The following LCMT1 variants were observed in gnomAD, a reference collection of about 807,000 sequenced individuals.
LCMT1 encodes the protein [Phosphatase 2A protein]-leucine-carboxy methyltransferase 1.
A neutral mutation model predicts 47.7 loss-of-function variants in LCMT1; 32 were observed. The observed-to-expected ratio is 0.67, with a 90% CI of 0.51 to 0.90. The LOEUF (loss-of-function observed/expected upper bound fraction) is 0.90, where lower values mean the gene tolerates loss of function less well. LCMT1 is among the 40% of genes least tolerant of loss of function. The pLI is 0.00. For synonymous variants in LCMT1, 152 were observed against 149.7 expected, an observed-to-expected ratio of 1.02 and a Z score of -0.11; for missense variants, 375 against 415.2, an observed-to-expected ratio of 0.90 and a Z score of 0.84.
At chr16:25,174,163 T>C (rs1961858174) in intron 9 of LCMT1, among the ~76,000 whole-genome samples, 2 of 152,200 alleles carry the variant, frequency 1.3e-5, no homozygotes, top group South Asian at 4.1e-4. Flanking sequence ...CCACCCACCA[T>C]GGCCTCCCAA....
At position 25,133,726 on chromosome 16, in the gene LCMT1, G is replaced by A. The variant is rs193174700; in HGVS notation, c.327+1203G>A. On this transcript the variant is annotated intron_variant, in intron 3 of 10. Transcript: ENST00000399069. Reference sequence around the variant, plus strand: ...GGGCTTAGATTTTAATAGCCAAACCGTTTCCCTACAAAGTCCTCACTAATT... The same window carrying A: ...GGGCTTAGATTTTAATAGCCAAACCATTTCCCTACAAAGTCCTCACTAATT... 4.5e-4 allele frequency among the ~76,000 whole-genome samples: 68 copies of A among 149,852 alleles called. 1 individual carries two copies. The East Asian group carries it at 6.4e-3, about 14-fold the overall frequency.
intron 1 of LCMT1, among the ~76,000 whole-genome samples, chr16:25,118,769 C>T (rs753629343): frequency 2.0e-5 from 3 of 151,940 alleles, no homozygotes; most frequent in Non-Finnish European, 2.9e-5. Flanking sequence ...AGGCAGGAGC[C>T]GGCCTGACCT....
intron 4 of LCMT1, chr16:25,142,966 G>A (rs575627416): frequency 6.6e-6 from 1 of 152,262 alleles, no homozygotes; most frequent in African/African-American, 2.4e-5. Context: ...AGTTGGAGTG[G>A]TCAGGATCAC....
chr16:25,132,326 C>T, intron 2 of LCMT1, 76 bp from the exon 3 acceptor site: 1 of 1,567,940 alleles, frequency 6.4e-7, no homozygotes, highest in Non-Finnish European at 8.7e-7. Context: ...TGCTCTTCTC[C>T]TGGGGTGGGC....
At chr16:25,154,827 T>A (rs902248613) in intron 5 of LCMT1, among the ~76,000 whole-genome samples, 2 of 152,168 alleles carry the variant, frequency 1.3e-5, no homozygotes, top group African/African-American at 4.8e-5. Flanking sequence ...AACTTTTTTT[T>A]ATTGAACTTT....
At chr16:25,139,688 A>G (rs915338641) in intron 3 of LCMT1, among the ~76,000 whole-genome samples, 1 of 151,972 alleles carries the variant, frequency 6.6e-6, no homozygotes, top group African/African-American at 2.4e-5. Context: ...TTGTTGTTAA[A>G]TCGTTTAAAC....
At chr16:25,119,486 G>A (rs905545391) in intron 1 of LCMT1, among the ~76,000 whole-genome samples, 1 of 152,082 alleles carries the variant, frequency 6.6e-6, no homozygotes, top group Non-Finnish European at 1.5e-5. Context: ...GTTCAAGATT[G>A]TATTTCCTGA....
chr16:25,139,114 G>A (rs929463340), intron 3 of LCMT1, among the ~76,000 whole-genome samples: 1 of 152,028 alleles, frequency 6.6e-6, no homozygotes, highest in African/African-American at 2.4e-5. Context: ...CATTCACCAT[G>A]TTGGCCAGGA....
Position 25,112,012 on chromosome 16 carries a change from G to T in LCMT1, c.113+16G>T, listed in dbSNP as rs200060418. 2.5e-6 allele frequency: 4 copies of T among 1,583,788 alleles called. No homozygotes were observed. On this transcript the variant is annotated intron_variant, in intron 1 of 10. Transcript: ENST00000399069. ...TGTGCAAGAGGTGCCTGTCGGGCGC[G>T]GGGTTCGGGGCCGGCATCTGGGGCG...
chr16:25,132,090 A>G, intron 2 of LCMT1: 1 of 439,400 alleles, frequency 2.3e-6, no homozygotes, highest in Non-Finnish European at 4.4e-6. Context: ...CATGAAAGGC[A>G]CATTTCCAAG....
At chr16:25,149,929 AAAAAGT>A (rs1961019722) in intron 4 of LCMT1, among the ~76,000 whole-genome samples, 1 of 151,756 alleles carries the variant, frequency 6.6e-6, no homozygotes, top group Non-Finnish European at 1.5e-5. Context: ...AAAAAAAAAA[AAAAAGT>A]AGGTTACCTG....
intron 4 of LCMT1, among the ~76,000 whole-genome samples, chr16:25,149,208 C>T (rs754866916): frequency 2.0e-4 from 30 of 152,156 alleles, no homozygotes; most frequent in Non-Finnish European, 4.4e-4. Context: ...AACACAAATT[C>T]GTAACATTTC....
At chr16:25,161,325 C>A in intron 6 of LCMT1, 121 bp downstream of exon 6, 1 of 526,138 alleles carries the variant, frequency 1.9e-6, no homozygotes. Flanking sequence ...AGAGTTTTAT[C>A]ATTTCATTGC....
At chr16:25,142,971 G>A (rs1960739815) in intron 4 of LCMT1, 1 of 152,142 alleles carries the variant, frequency 6.6e-6, no homozygotes, top group South Asian at 2.1e-4. Context: ...GAGTGGTCAG[G>A]ATCACCCAGT....
rs1567313908 is a variant in LCMT1 at position 25,135,297 on chromosome 16, A to ATATATATATG, written c.327+2783_327+2784insGTATATATAT. Among the ~76,000 whole-genome samples, 18 of 149,936 alleles carry ATATATATATG rather than the reference A, an allele frequency of 1.2e-4. 1 individual carries two copies. The highest frequency in any genetic ancestry group is 4.0e-4 in the African/African-American group (16 of 40,386). On this transcript the variant is annotated intron_variant, in intron 3 of 10. Coordinates refer to ENST00000399069, the MANE Select transcript of LCMT1 (RefSeq NM_016309.3). ...AGTTTCTTTTAAAATATATATCTATATATATATATATAACATTTGTTTGCT... is the reference window on the plus strand; with the variant it reads ...AGTTTCTTTTAAAATATATATCTATATATATATATGTATATATATATAACATTTGTTTGCT...
intron 1 of LCMT1, among the ~76,000 whole-genome samples, chr16:25,119,380 G>T (rs562228278): frequency 1.5e-4 from 23 of 152,138 alleles, no homozygotes; most frequent in Admixed American, 2.6e-4. Flanking sequence ...TCTGCCACTG[G>T]AATAGACGCG....
At chr16:25,156,940 CTTTTT>C (rs5816285) in intron 5 of LCMT1, among the ~76,000 whole-genome samples, 1 of 130,038 alleles carries the variant, frequency 7.7e-6, no homozygotes, top group African/African-American at 2.9e-5. Context: ...TCCATTTTAC[CTTTTT>C]TTTTTTTTTT....
Position 25,161,168 on chromosome 16 carries a change from T to C in LCMT1, c.533T>C (p.Leu178Pro). ...IGADLRDLSELEEKLKKCNMN... is the reference protein window; with the variant it reads ...IGADLRDLSEPEEKLKKCNMN... ...GCAGATCTCCGAGACCTGTCTGAAC[T>C]GGAAGAGAAGCTAAAGAAATGTAAC... Residue 178 changes from leucine to proline, a missense_variant, in exon 6 of 11, where the codon CTG (leucine) becomes CCG (proline). Leu to Pro is a moderately conservative substitution (Grantham distance 98, BLOSUM62 -3). Coordinates refer to ENST00000399069, the MANE Select transcript of LCMT1 (RefSeq NM_016309.3). 6.2e-7 allele frequency: 1 copy of C among 1,609,570 alleles called. No individual in the cohort carries two copies. Among genetic ancestry groups the C allele is most frequent in the Non-Finnish European group, 8.5e-7 (1 of 1,178,090 alleles).
chr16:25,162,551 C>T (rs1421698769), intron 6 of LCMT1, among the ~76,000 whole-genome samples: 7 of 144,824 alleles, frequency 4.8e-5, no homozygotes, highest in South Asian at 4.3e-4. Flanking sequence ...ATCATGACAT[C>T]GAACTGTAGC....
Sources: allele counts gnomAD v4.1 joint callset (sites outside exome capture counted in the v4.1 genomes callset), GRCh38; gene constraint gnomAD v4.1.1; transcripts MANE v1.5; gene names NCBI Gene and HGNC (gene_info 2026-07-23, HGNC 2026-07-21).